POC1B: variants seen among roughly 807,000 people sequenced by gnomAD.
The protein encoded by POC1B is POC1 centriolar protein homolog B.
Under a neutral mutation model 60.6 loss-of-function variants are expected in POC1B, and 44 were observed. The ratio of observed to expected loss-of-function variants is 0.73; its 90% CI spans 0.57 to 0.93. POC1B has a LOEUF of 0.93. Among genes scored for constraint, POC1B ranks in the 40% least tolerant of loss-of-function variants. The probability of loss-of-function intolerance (pLI) is 0.00; values close to 1 mark genes in which losing one functional copy is unlikely to be tolerated. For synonymous variants in POC1B, 180 were observed against 198.9 expected, an observed-to-expected ratio of 0.90 and a Z score of 0.80; for missense variants, 555 against 572.3, an observed-to-expected ratio of 0.97 and a Z score of 0.31.
intron 2 of POC1B, chr12:89,521,835 T>C (rs934600376): frequency 2.5e-6 from 1 of 397,148 alleles, no homozygotes; most frequent in Non-Finnish European, 4.4e-6. Context: ...TTAAATTTCC[T>C]GATCAGCAGA....
intron 2 of POC1B, among the ~76,000 whole-genome samples, chr12:89,503,553 G>C (rs1869712268): frequency 6.6e-6 from 1 of 151,496 alleles, no homozygotes. Context: ...TGGGAAGTGA[G>C]GAGCGTCTCT....
intron 2 of POC1B, chr12:89,523,603 A>G (rs1267595421): frequency 6.4e-7 from 1 of 1,560,546 alleles, no homozygotes; most frequent in Admixed American, 2.0e-5. Context: ...TTTCTTGCTG[A>G]CAGCAAACAG....
At chr12:89,511,073 T>A (rs1870163309) in intron 2 of POC1B, among the ~76,000 whole-genome samples, 1 of 152,114 alleles carries the variant, frequency 6.6e-6, no homozygotes, top group African/African-American at 2.4e-5. Context: ...ATATTTTAGA[T>A]AACTTTGTAC....
intron 4 of POC1B, among the ~76,000 whole-genome samples, chr12:89,486,632 G>T (rs1448500632): frequency 6.6e-6 from 1 of 152,162 alleles, no homozygotes; most frequent in Admixed American, 6.5e-5. Context: ...CAAAAGCAGA[G>T]ATGCAGGGGT....
intron 2 of POC1B, among the ~76,000 whole-genome samples, chr12:89,517,459 C>A (rs1870493930): frequency 6.6e-6 from 1 of 151,926 alleles, no homozygotes; most frequent in African/African-American, 2.4e-5. Context: ...ATGGTGAAAC[C>A]CCATCTCTAC....
At chr12:89,508,700 T>TG (rs995298004) in intron 2 of POC1B, among the ~76,000 whole-genome samples, 12 of 152,156 alleles carry the variant, frequency 7.9e-5, no homozygotes, top group Admixed American at 5.9e-4. Context: ...ATCCATGTGT[T>TG]GGGGGAGGGA....
In POC1B at chr12:89,523,975, T is replaced by C. The variant is rs762476727; in HGVS notation, c.100+1145A>G. The C allele has an allele frequency of 3.1e-6, 5 of 1,613,750 alleles. No homozygotes were observed. The African/African-American group carries it at 5.3e-5, about 17-fold the overall frequency. On this transcript the variant is annotated intron_variant, in intron 2 of 11. Coordinates refer to ENST00000313546, the MANE Select transcript of POC1B (RefSeq NM_172240.3). ...CCTAATCAAGCGTACTCTATCAAGA[T>C]TGCTGATGTAAGTTTCAAGTTGTGT...
At chr12:89,475,486 G>A (rs1332384741) in intron 4 of POC1B, among the ~76,000 whole-genome samples, 1 of 152,110 alleles carries the variant, frequency 6.6e-6, no homozygotes, top group African/African-American at 2.4e-5. Context: ...ATTTGAGGTG[G>A]CTGAAAGTGA....
chr12:89,448,065 G>A (rs1175086513), intron 10 of POC1B, among the ~76,000 whole-genome samples: 1 of 152,028 alleles, frequency 6.6e-6, no homozygotes, highest in Non-Finnish European at 1.5e-5. Flanking sequence ...CACGGACTTG[G>A]GCTTTCTTTT....
intron 10 of POC1B, among the ~76,000 whole-genome samples, chr12:89,452,919 A>C (rs1231081960): frequency 6.6e-6 from 1 of 152,182 alleles, no homozygotes; most frequent in Non-Finnish European, 1.5e-5. Flanking sequence ...AACTGTTAGC[A>C]GTTTTTATAA....
At chr12:89,427,123 C>T (rs1880799553) in intron 10 of POC1B, 1 of 152,124 alleles carries the variant, frequency 6.6e-6, no homozygotes, top group Non-Finnish European at 1.5e-5. Flanking sequence ...GTGAAGGACT[C>T]ATACTTCCAA....
At chr12:89,457,498 C>A (rs1483045663) in intron 10 of POC1B, among the ~76,000 whole-genome samples, 1 of 152,170 alleles carries the variant, frequency 6.6e-6, no homozygotes, top group Non-Finnish European at 1.5e-5. Flanking sequence ...AGTCCTTATA[C>A]CTTGCTTGGC....
intron 4 of POC1B, among the ~76,000 whole-genome samples, chr12:89,472,894 G>A (rs909721286): frequency 2.0e-5 from 3 of 151,912 alleles, no homozygotes; most frequent in Non-Finnish European, 4.4e-5. Flanking sequence ...TCATCCACAC[G>A]CCCCATTAAA....
At position 89,497,247 on chromosome 12, in the gene POC1B, C is replaced by A. The variant is rs141485649; in HGVS notation, c.196G>T (p.Val66Leu). Residue 66 changes from valine (V) to leucine (L), a missense_variant, in exon 3 of 12, where the codon GTG becomes TTG. Transcript: ENST00000313546. ...YVGHKDVVTS[V>L]QFSPHGNLLA... ...AAGTTTCCATGTGGAGAAAACTGCA[C>A]GCTGGTTACAACATCCTTGTGACCC... 1 of 1,613,738 alleles carries A rather than the reference C, an allele frequency of 6.2e-7. No homozygotes were observed. Among genetic ancestry groups the A allele is most frequent in the South Asian group, 1.1e-5 (1 of 91,072 alleles).
At chr12:89,495,040 A>C (rs1475578982) in intron 3 of POC1B, among the ~76,000 whole-genome samples, 1 of 152,200 alleles carries the variant, frequency 6.6e-6, no homozygotes, top group African/African-American at 2.4e-5. Context: ...TAGATAACTG[A>C]CACATCATCT....
chr12:89,521,841 G>A (rs1870904604), intron 2 of POC1B: 2 of 397,372 alleles, frequency 5.0e-6, no homozygotes, highest in Non-Finnish European at 8.9e-6. Context: ...TTCCTGATCA[G>A]CAGAACTCGT....
At chr12:89,450,766 G>A (rs945583323) in intron 10 of POC1B, among the ~76,000 whole-genome samples, 3 of 152,230 alleles carry the variant, frequency 2.0e-5, no homozygotes, top group Admixed American at 6.5e-5. Flanking sequence ...TGTTGATGTT[G>A]TTATTACAAA....
rs2120628902 is a variant in POC1B at position 89,420,993 on chromosome 12, C to T, written c.*160G>A. ...GTGTTTAAATTAGTCCTTAGGTATG[C>T]CTTTTCTGCCTTTTGTTCTGTTGCT... On this transcript the variant is annotated 3_prime_UTR_variant, in exon 12 of 12. Coordinates refer to ENST00000313546, the MANE Select transcript of POC1B (RefSeq NM_172240.3). 2.0e-6 allele frequency: 1 copy of T among 500,720 alleles called. No individual in the cohort carries two copies. The highest frequency in any genetic ancestry group is 3.1e-5 in the Admixed American group (1 of 32,276). The allele number at this position is 500,720 out of a possible 1,614,324, so 31.0% of individuals were successfully genotyped here.
intron 2 of POC1B, among the ~76,000 whole-genome samples, chr12:89,515,847 A>T (rs1870417779): frequency 6.6e-6 from 1 of 152,014 alleles, no homozygotes; most frequent in African/African-American, 2.4e-5. Context: ...CACTTCACTA[A>T]CCAATTTATA....
Sources: allele counts gnomAD v4.1 joint callset (sites outside exome capture counted in the v4.1 genomes callset), GRCh38; gene constraint gnomAD v4.1.1; transcripts MANE v1.5; gene names NCBI Gene and HGNC (gene_info 2026-07-23, HGNC 2026-07-21).